PSMB7: variants seen among roughly 807,000 people sequenced by gnomAD.
PSMB7 encodes the protein proteasome 20S subunit beta 7.
Under a neutral mutation model 28.1 loss-of-function variants are expected in PSMB7, and 5 were observed. That is an observed-to-expected ratio of 0.18 (90% CI 0.09 to 0.37). The LOEUF (loss-of-function observed/expected upper bound fraction) is 0.37, where lower values mean the gene tolerates loss of function less well. Ranked by LOEUF, PSMB7 falls within the 10% of genes least tolerant of loss-of-function variation. The pLI, the probability that PSMB7 is intolerant of heterozygous loss-of-function variation, is 1.00. For missense variants in PSMB7, 275 were observed against 346.2 expected (o/e 0.79, Z 1.63); for synonymous variants, 122 against 123.7 (o/e 0.99, Z 0.09).
intron 6 of PSMB7, among the ~76,000 whole-genome samples, chr9:124,375,713 G>A (rs1171082779): frequency 6.6e-6 from 1 of 152,186 alleles, no homozygotes; most frequent in African/African-American, 2.4e-5. Flanking sequence ...ATCGAAGGTC[G>A]AGGTTTTTTT....
chr9:124,413,713 C>T (rs1831055008), intron 3 of PSMB7, among the ~76,000 whole-genome samples, 195 bp downstream of exon 3: 1 of 152,062 alleles, frequency 6.6e-6, no homozygotes, highest in Non-Finnish European at 1.5e-5. Flanking sequence ...AAACTGGCCA[C>T]CAATTCAATT....
intron 1 of PSMB7, chr9:124,415,155 G>C: frequency 1.6e-6 from 1 of 638,918 alleles, no homozygotes; most frequent in Non-Finnish European, 2.7e-6. Flanking sequence ...ATAAACGGTG[G>C]CCGAGTGCGC....
At chr9:124,405,270 G>A (rs377142672) in intron 5 of PSMB7, 47 bp downstream of exon 5, 12 of 1,299,872 alleles carry the variant, frequency 9.2e-6, no homozygotes, top group African/African-American at 7.3e-5. Context: ...AGAGACCATC[G>A]TGGTAAGTAA....
At chr9:124,400,963 C>A (rs1156383009) in intron 5 of PSMB7, among the ~76,000 whole-genome samples, 1 of 152,054 alleles carries the variant, frequency 6.6e-6, no homozygotes, top group Non-Finnish European at 1.5e-5. Context: ...ATTCTATAGG[C>A]CCACGTAAGC....
In PSMB7 at chr9:124,384,645, A is replaced by T. The variant is rs769269132; in HGVS notation, c.523T>A (p.Leu175Met). ...TCTTCAAATACAGCCATTGCTGCCA[A>T]GGAGCCAGAACCTGCAAGAAAAAGG... ...LPYVTMGSGS[L>M]AAMAVFEDKF... The change falls in exon 6 of 8, where the codon TTG becomes ATG. Residue 175 changes from leucine (L) to methionine (M), a missense_variant. Leu to Met is a conservative substitution (Grantham distance 15). Around this residue, in one of 2 missense-constraint regions of PSMB7, gnomAD observed 213 missense variants for 302.4 expected, o/e 0.70. Transcript: ENST00000259457. 6.2e-7 allele frequency: 1 copy of T among 1,613,776 alleles called. No individual in the cohort carries two copies. The highest frequency in any genetic ancestry group is 8.5e-7 in the Non-Finnish European group (1 of 1,179,840).
chr9:124,415,214 G>A (rs1831074338), intron 1 of PSMB7, 150 bp downstream of exon 1: 3 of 847,270 alleles, frequency 3.5e-6, no homozygotes, highest in Non-Finnish European at 5.5e-6. Flanking sequence ...CCACGCCCAG[G>A]CCCTGATTCC....
intron 5 of PSMB7, among the ~76,000 whole-genome samples, chr9:124,385,424 G>GA (rs1456758886): frequency 6.6e-6 from 1 of 152,204 alleles, no homozygotes; most frequent in Non-Finnish European, 1.5e-5. Flanking sequence ...GGCTCCCTTT[G>GA]AATGGATGCA....
chr9:124,378,487 G>C (rs1392461198), intron 6 of PSMB7, among the ~76,000 whole-genome samples: 1 of 152,176 alleles, frequency 6.6e-6, no homozygotes, highest in Non-Finnish European at 1.5e-5. Flanking sequence ...GAGGGTGCAG[G>C]ACAGTTTGCC....
chr9:124,406,593 A>G (rs1564686735), intron 4 of PSMB7, among the ~76,000 whole-genome samples: 1 of 152,052 alleles, frequency 6.6e-6, no homozygotes, highest in Non-Finnish European at 1.5e-5. Flanking sequence ...ATTAACCCAT[A>G]TTATAATTAC....
At chr9:124,357,875 T>A (rs1023200652) in intron 6 of PSMB7, among the ~76,000 whole-genome samples, 2 of 152,140 alleles carry the variant, frequency 1.3e-5, no homozygotes, top group African/African-American at 4.8e-5. Context: ...ACACAGCTGG[T>A]CAGCAGAGCT....
At chr9:124,408,971 A>G (rs892301940) in intron 4 of PSMB7, among the ~76,000 whole-genome samples, 1 of 152,244 alleles carries the variant, frequency 6.6e-6, no homozygotes, top group Non-Finnish European at 1.5e-5. Flanking sequence ...AGACTAGGCT[A>G]TACTACAGTC....
chr9:124,392,012 G>T (rs1305598500), intron 5 of PSMB7, among the ~76,000 whole-genome samples: 1 of 152,210 alleles, frequency 6.6e-6, no homozygotes, highest in East Asian at 1.9e-4. Flanking sequence ...TTCTAATAAG[G>T]TGCTCACTAA....
intron 7 of PSMB7, among the ~76,000 whole-genome samples, chr9:124,355,230 G>A (rs1432359874): frequency 2.0e-5 from 3 of 152,208 alleles, no homozygotes; most frequent in Non-Finnish European, 4.4e-5. Context: ...CCCACCACAC[G>A]CCCAGCAGCT....
chr9:124,405,745 T>G (rs1374672394), intron 4 of PSMB7, among the ~76,000 whole-genome samples: 5 of 152,144 alleles, frequency 3.3e-5, no homozygotes, highest in Non-Finnish European at 7.4e-5. Flanking sequence ...ACAGTGGTAT[T>G]ATCACGGCTC....
intron 6 of PSMB7, among the ~76,000 whole-genome samples, chr9:124,357,343 T>TTA (rs777200804): frequency 1.6e-4 from 24 of 152,264 alleles, no homozygotes; most frequent in Non-Finnish European, 2.8e-4. Context: ...TAAAACTCTA[T>TTA]TAGCAACAGG....
chr9:124,390,901 T>C (rs557777129), intron 5 of PSMB7, among the ~76,000 whole-genome samples: 10 of 152,334 alleles, frequency 6.6e-5, no homozygotes, highest in South Asian at 2.1e-4. Context: ...GGTCAATCCA[T>C]GCATGAGTCA....
intron 2 of PSMB7, among the ~76,000 whole-genome samples, chr9:124,414,542 A>T (rs138414121): frequency 6.6e-6 from 1 of 152,202 alleles, no homozygotes; most frequent in African/African-American, 2.4e-5. Flanking sequence ...GTCTGACCCC[A>T]AATCTCGTGA....
Position 124,356,132 on chromosome 9 carries a change from G to A in PSMB7, c.722+632C>T, listed in dbSNP as rs1365923135. 6.6e-6 allele frequency among the ~76,000 whole-genome samples: 1 copy of A among 152,148 alleles called. No individual in the cohort carries two copies. Among genetic ancestry groups the A allele is most frequent in the East Asian group, 1.9e-4 (1 of 5,170 alleles). On this transcript the variant is annotated intron_variant, in intron 7 of 7. Transcript: ENST00000259457. This position sits in a 1 kb window ranked among gnomAD's most constrained non-coding sequence, Gnocchi z 4.4. ...TGGTCAAGCAGCCGGACAATCACGA[G>A]ACACTGCAAACGAGCTGCTCCTCTG...
intron 6 of PSMB7, among the ~76,000 whole-genome samples, chr9:124,367,380 T>G (rs1292100576): frequency 5.3e-5 from 8 of 152,108 alleles, no homozygotes; most frequent in African/African-American, 1.9e-4. Context: ...CCCACCCAAA[T>G]AGAAATGATT....
Sources: gnomAD v4.1 joint callset for allele counts (sites outside exome capture counted in the v4.1 genomes callset) on GRCh38, gnomAD v4.1.1 for gene constraint, gnomAD v4.1.1 regional missense constraint, Gnocchi (gnomAD v3.1) non-coding constraint, MANE v1.5 for transcripts, NCBI Gene and HGNC (gene_info 2026-07-23, HGNC 2026-07-21) for gene names.